Variants in CRTAC1 observed in about 807,000 individuals in gnomAD.
CRTAC1 encodes acidic secreted protein in cartilage.
Under a neutral mutation model 67.8 loss-of-function variants are expected in CRTAC1, and 37 were observed. The observed-to-expected ratio is 0.55, with a 90% CI of 0.42 to 0.72. The LOEUF (loss-of-function observed/expected upper bound fraction) is 0.72. Ranked by LOEUF, CRTAC1 falls within the 30% of genes least tolerant of loss-of-function variation. The probability of loss-of-function intolerance (pLI) is 0.00; values close to 1 mark genes in which losing one functional copy is unlikely to be tolerated. For missense variants in CRTAC1, 780 were observed against 931.6 expected (o/e 0.84, Z 2.12); for synonymous variants, 348 against 371.0 (o/e 0.94, Z 0.71).
Position 97,917,658 on chromosome 10 carries a change from T to C in CRTAC1, c.559-2A>G. 6.5e-7 allele frequency: 1 copy of C among 1,539,436 alleles called. No individual in the cohort carries two copies. Among genetic ancestry groups the C allele is most frequent in the Non-Finnish European group, 8.8e-7 (1 of 1,133,462 alleles). On this transcript the variant is annotated splice_acceptor_variant, in intron 4 of 14. Coordinates refer to ENST00000370597, the MANE Select transcript of CRTAC1 (RefSeq NM_018058.7). LOFTEE classifies it high-confidence loss of function. ...GTAGATAGAGTAGCGTCCAGAGCCC[T>C]GAGGAAGAAGGGAAGGGAGAGGTGA...
chr10:97,972,908 T>C (rs187273295), intron 2 of CRTAC1, among the ~76,000 whole-genome samples: 234 of 152,262 alleles, frequency 1.5e-3, no homozygotes, highest in African/African-American at 5.3e-3. Context: ...ATTTTTTTTT[T>C]CACAATTTAA....
intron 2 of CRTAC1, among the ~76,000 whole-genome samples, chr10:97,971,662 A>T (rs2051714808): frequency 6.6e-6 from 1 of 152,240 alleles, no homozygotes; most frequent in South Asian, 2.1e-4. Context: ...AGGGAATTTT[A>T]TGTTATGCAT....
At chr10:97,925,202 T>C (rs2050895127) in intron 3 of CRTAC1, among the ~76,000 whole-genome samples, 1 of 152,016 alleles carries the variant, frequency 6.6e-6, no homozygotes, top group South Asian at 2.1e-4. Flanking sequence ...GCCCAGGAGG[T>C]AGAGGCTGCA....
chr10:98,021,013 ATT>A (rs1491061131), intron 1 of CRTAC1, among the ~76,000 whole-genome samples: 3 of 83,752 alleles, frequency 3.6e-5, no homozygotes, highest in Non-Finnish European at 5.0e-5. Context: ...CTATTCACTC[ATT>A]CATTCATTCA....
intron 2 of CRTAC1, among the ~76,000 whole-genome samples, chr10:97,952,923 T>C (rs2051381542): frequency 6.6e-6 from 1 of 152,184 alleles, no homozygotes; most frequent in South Asian, 2.1e-4. Context: ...TGAATATATG[T>C]CCTCCCTGAG....
At chr10:97,865,824 G>A in intron 14 of CRTAC1, 110 bp from the exon 15 acceptor site, 1 of 1,220,892 alleles carries the variant, frequency 8.2e-7, no homozygotes, top group Non-Finnish European at 1.1e-6. Context: ...TGCCCGGGGT[G>A]GGAGGGAGGG....
At chr10:97,877,806 A>AAGG (rs1226347296) in intron 14 of CRTAC1, among the ~76,000 whole-genome samples, 1 of 152,320 alleles carries the variant, frequency 6.6e-6, no homozygotes, top group East Asian at 1.9e-4. Context: ...ACTCATTGTG[A>AAGG]AGGCATTCAT....
intron 2 of CRTAC1, among the ~76,000 whole-genome samples, chr10:97,969,209 T>C (rs1377160489): frequency 6.6e-6 from 1 of 152,188 alleles, no homozygotes; most frequent in East Asian, 1.9e-4. Flanking sequence ...TCCAAGAGTG[T>C]ATTCACCCTT....
intron 1 of CRTAC1, among the ~76,000 whole-genome samples, chr10:98,018,836 G>A (rs571487612): frequency 6.6e-6 from 1 of 152,202 alleles, no homozygotes; most frequent in East Asian, 1.9e-4. Flanking sequence ...CACACAGGCT[G>A]GGCCACCAGC....
At chr10:97,947,740 T>C (rs985142502) in intron 2 of CRTAC1, among the ~76,000 whole-genome samples, 1 of 152,146 alleles carries the variant, frequency 6.6e-6, no homozygotes, top group African/African-American at 2.4e-5. Flanking sequence ...TTGTGGAAGA[T>C]GTGGCATGAA....
chr10:97,941,408 C>G (rs755577301), intron 2 of CRTAC1, among the ~76,000 whole-genome samples: 2 of 152,100 alleles, frequency 1.3e-5, no homozygotes, highest in Non-Finnish European at 2.9e-5. Flanking sequence ...TGTTCATTAC[C>G]CTGACTGACA....
At chr10:97,900,865 G>T (rs1172809218) in intron 8 of CRTAC1, among the ~76,000 whole-genome samples, 4 of 116,008 alleles carry the variant, frequency 3.4e-5, no homozygotes, top group African/African-American at 1.2e-4. Flanking sequence ...GGACCCCGTA[G>T]CCCCTTTTCC....
chr10:97,872,714 G>T (rs1297741879), intron 14 of CRTAC1, among the ~76,000 whole-genome samples: 1 of 152,196 alleles, frequency 6.6e-6, no homozygotes, highest in South Asian at 2.1e-4. Flanking sequence ...GGCCTGCCTG[G>T]CTTGAGATGG....
chr10:97,896,836 C>CA, intron 9 of CRTAC1, 73 bp downstream of exon 9: 1 of 671,350 alleles, frequency 1.5e-6, no homozygotes, highest in Non-Finnish European at 2.6e-6. Context: ...TGCCCCGTCC[C>CA]TCCCGCCCTC....
At chr10:97,917,475 C>T in intron 5 of CRTAC1, 25 bp downstream of exon 5, 3 of 1,475,274 alleles carry the variant, frequency 2.0e-6, no homozygotes, top group African/African-American at 1.4e-5. Flanking sequence ...CTCCAGCATA[C>T]TACCTCCCAT....
At chr10:97,903,265 T>G (rs2050566423) in intron 7 of CRTAC1, among the ~76,000 whole-genome samples, 1 of 144,396 alleles carries the variant, frequency 6.9e-6, no homozygotes, top group Admixed American at 7.0e-5. Flanking sequence ...ATCCCTGGGC[T>G]CTGCATACTA....
intron 2 of CRTAC1, among the ~76,000 whole-genome samples, chr10:97,969,566 T>C (rs532475412): frequency 5.1e-4 from 78 of 152,268 alleles, no homozygotes; most frequent in African/African-American, 1.8e-3. Context: ...TTTGGACAAA[T>C]GTAACCATGG....
chr10:97,924,056 T>C (rs997226195), intron 3 of CRTAC1, among the ~76,000 whole-genome samples: 3 of 152,070 alleles, frequency 2.0e-5, no homozygotes, highest in African/African-American at 4.8e-5. Flanking sequence ...CTTTGAGAAT[T>C]GGAGGGAGGT....
At chr10:97,896,148 C>A (rs975608166) in intron 9 of CRTAC1, among the ~76,000 whole-genome samples, 163 bp from the exon 10 acceptor site, 1 of 152,176 alleles carries the variant, frequency 6.6e-6, no homozygotes, top group Non-Finnish European at 1.5e-5. Flanking sequence ...CCTATCCTTC[C>A]TAACAGCAGC....
Sources: gnomAD v4.1 joint callset for allele counts (sites outside exome capture counted in the v4.1 genomes callset) on GRCh38, gnomAD v4.1.1 for gene constraint, MANE v1.5 for transcripts, NCBI Gene and HGNC (gene_info 2026-07-23, HGNC 2026-07-21) for gene names.